Variants in ZFP82 observed in about 807,000 individuals in gnomAD.
ZFP82 encodes zinc finger protein 82 homolog.
In ZFP82, 30 loss-of-function variants were observed where a neutral mutation model predicts 54.0. The ratio of observed to expected loss-of-function variants is 0.56; its 90% CI spans 0.42 to 0.75. The LOEUF is 0.75. Among genes scored for constraint, ZFP82 ranks in the 30% least tolerant of loss-of-function variants. ZFP82 has a pLI of 0.00. For synonymous variants in ZFP82, 194 were observed against 209.5 expected (o/e 0.93, Z 0.64); for missense variants, 500 against 636.8 (o/e 0.79, Z 2.31).
At chr19:36,388,339 C>T (rs1320020620), downstream of ZFP82, among the ~76,000 whole-genome samples, 1 of 151,882 alleles carries the variant, frequency 6.6e-6, no homozygotes, top group Non-Finnish European at 1.5e-5. Context: ...CCTTATATAA[C>T]GATCTAGTAA....
downstream of ZFP82, among the ~76,000 whole-genome samples, chr19:36,388,331 TTATA>T (rs1177501188): frequency 2.0e-5 from 3 of 152,318 alleles, no homozygotes; most frequent in East Asian, 5.8e-4. Flanking sequence ...GATATTTGCC[TTATA>T]TAACGATCTA....
intron 1 of ZFP82, among the ~76,000 whole-genome samples, chr19:36,412,076 CAGAG>C (rs373512524): frequency 3.0e-4 from 28 of 93,430 alleles, no homozygotes; most frequent in Middle Eastern, 5.0e-3. Flanking sequence ...GTGAGAGAAA[CAGAG>C]AGAGAGAGAG....
At chr19:36,417,039 C>G (rs1326248669) in intron 1 of ZFP82, among the ~76,000 whole-genome samples, 1 of 112,732 alleles carries the variant, frequency 8.9e-6, no homozygotes, top group Admixed American at 9.8e-5. Flanking sequence ...TGCCACTGCA[C>G]TCCAACCTGG....
In ZFP82 at chr19:36,392,719, C is replaced by T. The variant is rs757831741; in HGVS notation, c.*22G>A. On this transcript the variant is annotated 3_prime_UTR_variant, in exon 5 of 5. Coordinates refer to ENST00000392161, the MANE Select transcript of ZFP82 (RefSeq NM_133466.4). ...ACTACATTCATAGAATGTTCTATAACACAGAAGTTGAAAAGACTTTCTTAG... is the reference window on the plus strand; with the variant it reads ...ACTACATTCATAGAATGTTCTATAATACAGAAGTTGAAAAGACTTTCTTAG... The T allele has an allele frequency of 2.6e-6, 4 of 1,530,470 alleles. No individual in the cohort carries two copies. Among genetic ancestry groups the T allele is most frequent in the Admixed American group, 2.2e-5 (1 of 46,338 alleles). 94.8% of individuals were successfully genotyped at this position (1,530,470 alleles called of 1,614,324 possible).
chr19:36,392,642 TA>T lies in ZFP82; in HGVS notation c.*98del. 1 of 1,054,226 alleles carries T rather than the reference TA, an allele frequency of 9.5e-7. No individual in the cohort carries two copies. Among genetic ancestry groups the T allele is most frequent in the Non-Finnish European group, 1.3e-6 (1 of 756,334 alleles). The allele number at this position is 1,054,226 out of a possible 1,614,324, so 65.3% of individuals were successfully genotyped here. On this transcript the variant is annotated 3_prime_UTR_variant, in exon 5 of 5. Transcript: ENST00000392161. ...ACATTGTCACACTCTTTTAATGGTA[TA>T]AAACCTCTAATGCCAACGCAGTTGC...
Position 36,407,886 on chromosome 19 carries a change from C to T in ZFP82, c.136+1G>A. On this transcript the variant is annotated splice_donor_variant, in intron 3 of 4. Coordinates refer to ENST00000392161, the MANE Select transcript of ZFP82 (RefSeq NM_133466.4). LOFTEE classifies it high-confidence loss of function. ...AAATTCCTAGAAGCAGATAACCTTA[C>T]CCAGTGAGACCAAGTTGCTGTAGTT... The T allele has an allele frequency of 6.2e-7, 1 of 1,613,846 alleles. No homozygotes were observed. The highest frequency in any genetic ancestry group is 8.5e-7 in the Non-Finnish European group (1 of 1,179,824).
rs968836591 is a variant in ZFP82, at chr19:36,404,068, T to G, written c.229+1512A>C. ...CCTATTTATTTATAGTTATTATGTT[T>G]CTCTTATTACAAGGTAAATTTCGTG... is the stretch of plus-strand genomic sequence containing the variant. On this transcript the variant is annotated intron_variant, in intron 4 of 4. Transcript: ENST00000392161. 2.6e-5 allele frequency among the ~76,000 whole-genome samples: 4 copies of G among 152,324 alleles called. No homozygotes were observed. The South Asian group carries it at 6.2e-4, about 24-fold the overall frequency.
intron 1 of ZFP82, among the ~76,000 whole-genome samples, chr19:36,416,138 CT>C (rs2032665322): frequency 6.6e-6 from 1 of 152,158 alleles, no homozygotes; most frequent in South Asian, 2.1e-4. Flanking sequence ...CGATCACAAG[CT>C]TTTTTTCCTT....
At chr19:36,406,425 C>G (rs1477360989) in intron 3 of ZFP82, among the ~76,000 whole-genome samples, 1 of 152,194 alleles carries the variant, frequency 6.6e-6, no homozygotes, top group Non-Finnish European at 1.5e-5. Flanking sequence ...CAGCCCCAGA[C>G]AACCATTGAT....
chr19:36,395,326 A>G (rs957688779), intron 4 of ZFP82: 2 of 151,990 alleles, frequency 1.3e-5, no homozygotes, highest in Non-Finnish European at 2.9e-5. Flanking sequence ...CTTTCCTCCC[A>G]TTGCTCAGGT....
intron 1 of ZFP82, among the ~76,000 whole-genome samples, chr19:36,416,226 T>C (rs1247922062): frequency 6.6e-6 from 1 of 152,214 alleles, no homozygotes; most frequent in East Asian, 1.9e-4. Flanking sequence ...TTTCCTACTA[T>C]TAGACACTAA....
chr19:36,410,790 C>T (rs944892062), intron 1 of ZFP82, among the ~76,000 whole-genome samples: 15 of 152,156 alleles, frequency 9.9e-5, no homozygotes, highest in East Asian at 1.9e-4. Context: ...TGTGAGCCAC[C>T]GCACCCACCC....
chr19:36,397,593 C>T (rs1168960611), intron 4 of ZFP82, among the ~76,000 whole-genome samples: 2 of 151,984 alleles, frequency 1.3e-5, no homozygotes, highest in Non-Finnish European at 2.9e-5. Context: ...CAGAGTCTCA[C>T]TCTGTCACCC....
chr19:36,400,903 G>A (rs116646551), intron 4 of ZFP82, among the ~76,000 whole-genome samples: 5,954 of 151,978 alleles, frequency 0.039, 356 homozygotes, highest in African/African-American at 0.14. Flanking sequence ...CACTCCACTT[G>A]GGCTTTCATC....
intron 4 of ZFP82, among the ~76,000 whole-genome samples, chr19:36,397,091 AT>A (rs35809280): frequency 0.57 from 74,597 of 132,008 alleles, 20,259 homozygotes; most frequent in Admixed American, 0.63. Context: ...GCATAAACCA[AT>A]TTTTTTTTTT....
At chr19:36,386,734 C>T (rs1401313226), downstream of ZFP82, among the ~76,000 whole-genome samples, 1 of 152,152 alleles carries the variant, frequency 6.6e-6, no homozygotes, top group Admixed American at 6.6e-5. Context: ...GTCAGGAGTT[C>T]AAGACCAGCC....
chr19:36,393,584 CTTCTCACCAATATGCATTTTCTGATG>C lies in ZFP82; in HGVS notation c.730_755del (p.His244AlafsTer3). 6.2e-7 allele frequency: 1 copy of C among 1,613,480 alleles called. No individual in the cohort carries two copies. Among genetic ancestry groups the C allele is most frequent in the Non-Finnish European group, 8.5e-7 (1 of 1,179,838 alleles). The stretch of plus-strand genomic sequence containing the variant: ...TCCCACATTCTTTACATTCATAGGG[CTTCTCACCAATATGCATTTTCTGATG>C]TACTCTAAGATCTGCACCACATATG... On this transcript the variant is annotated frameshift_variant, in exon 5 of 5. Coordinates refer to ENST00000392161, the MANE Select transcript of ZFP82 (RefSeq NM_133466.4). LOFTEE classifies it high-confidence loss of function.
Position 36,418,620 on chromosome 19 carries a change from G to C in ZFP82, c.-207C>G, listed in dbSNP as rs994172792. On this transcript the variant is annotated 5_prime_UTR_variant, in exon 1 of 5. Transcript: ENST00000392161. Reference sequence around the variant, plus strand: ...GCCCGAACGGAGGAAGCCGCTGCCGGGTCACGCCACAATCCCCGGGGCCTA... The same window carrying C: ...GCCCGAACGGAGGAAGCCGCTGCCGCGTCACGCCACAATCCCCGGGGCCTA... 3.3e-5 allele frequency: 5 copies of C among 152,372 alleles called. No homozygotes were observed. The highest frequency in any genetic ancestry group is 7.3e-5 in the Non-Finnish European group (5 of 68,172). 9.4% of individuals were successfully genotyped at this position (152,372 alleles called of 1,614,324 possible).
rs2145580055 is a variant in ZFP82 at position 36,393,675 on chromosome 19, C to A, written c.665G>T (p.Gly222Val). Reference sequence around the variant, plus strand: ...TTCCTTACATTCATAGAGTTTTTCACCAGAATGAAGTCTCTGATGTCGAGT... The same window carrying A: ...TTCCTTACATTCATAGAGTTTTTCAACAGAATGAAGTCTCTGATGTCGAGT... ...HLTRHQRLHS[G>V]EKLYECKECG... Residue 222 changes from glycine to valine, a missense_variant, in exon 5 of 5, where the codon GGT becomes GTT. Coordinates refer to ENST00000392161, the MANE Select transcript of ZFP82 (RefSeq NM_133466.4). The A allele has an allele frequency of 6.2e-7, 1 of 1,614,008 alleles. No homozygotes were observed. Among genetic ancestry groups the A allele is most frequent in the South Asian group, 1.1e-5 (1 of 91,082 alleles).
Sources: gnomAD v4.1 joint callset for allele counts (sites outside exome capture counted in the v4.1 genomes callset) on GRCh38, gnomAD v4.1.1 for gene constraint, MANE v1.5 for transcripts, NCBI Gene and HGNC (gene_info 2026-07-23, HGNC 2026-07-21) for gene names.